Variants in INPP4B observed in about 807,000 individuals in gnomAD.
INPP4B encodes the protein inositol polyphosphate 4-phosphatase type II.
INPP4B carries 55 observed loss-of-function variants against 122.5 expected under a neutral mutation model. That is an observed-to-expected ratio of 0.45 (90% CI 0.36 to 0.56). The LOEUF is 0.56. Ranked by LOEUF, INPP4B falls within the 20% of genes least tolerant of loss-of-function variation. The pLI is 0.00. For missense variants in INPP4B, 1,000 were observed against 1,097.7 expected (o/e 0.91, Z 1.26); for synonymous variants, 403 against 388.7 (o/e 1.04, Z -0.43).
intron 25 of INPP4B, among the ~76,000 whole-genome samples, chr4:142,071,373 C>T (rs1767204213): frequency 6.6e-6 from 1 of 151,502 alleles, no homozygotes; most frequent in Non-Finnish European, 1.5e-5. Context: ...GACCTAAAAC[C>T]ATAAAAACCC....
intron 25 of INPP4B, among the ~76,000 whole-genome samples, chr4:142,033,667 C>CTTTTT (rs1741864695): frequency 4.9e-5 from 4 of 82,408 alleles, no homozygotes; most frequent in African/African-American, 2.1e-4. Context: ...TTCTCCATTT[C>CTTTTT]ATTTTTTTTT....
At chr4:142,638,669 A>C (rs748765444) in intron 2 of INPP4B, among the ~76,000 whole-genome samples, 1 of 150,836 alleles carries the variant, frequency 6.6e-6, no homozygotes, top group Non-Finnish European at 1.5e-5. Context: ...TCAGCCTCCC[A>C]AGAGTAGCTG....
intron 1 of INPP4B, among the ~76,000 whole-genome samples, chr4:142,738,069 G>A (rs540535942): frequency 2.0e-5 from 3 of 152,122 alleles, no homozygotes; most frequent in African/African-American, 7.2e-5. Flanking sequence ...CAGGGATCTA[G>A]AACTAGAAAT....
intron 12 of INPP4B, among the ~76,000 whole-genome samples, chr4:142,230,799 A>G (rs1237670486): frequency 6.6e-6 from 1 of 152,202 alleles, no homozygotes; most frequent in Non-Finnish European, 1.5e-5. Context: ...CTCAATATAC[A>G]TTTTATATAT....
At chr4:142,435,930 T>A (rs1354835937) in intron 3 of INPP4B, among the ~76,000 whole-genome samples, 3 of 152,028 alleles carry the variant, frequency 2.0e-5, no homozygotes, top group African/African-American at 7.2e-5. Context: ...TGCTGTTGTT[T>A]GCTGTCTAAA....
At chr4:142,033,438 G>A (rs1384884253) in intron 25 of INPP4B, among the ~76,000 whole-genome samples, 2 of 152,124 alleles carry the variant, frequency 1.3e-5, no homozygotes, top group South Asian at 4.1e-4. Flanking sequence ...ACTGGCCAAT[G>A]TAGGGGAAAA....
chr4:142,182,436 T>A (rs1322331104), intron 15 of INPP4B, among the ~76,000 whole-genome samples: 4 of 150,722 alleles, frequency 2.7e-5, no homozygotes, highest in African/African-American at 9.8e-5. Flanking sequence ...TAGTCCCAGC[T>A]ACTTGAGAGG....
intron 11 of INPP4B, among the ~76,000 whole-genome samples, chr4:142,244,507 G>A (rs1726879777): frequency 6.6e-6 from 1 of 151,824 alleles, no homozygotes; most frequent in South Asian, 2.1e-4. Context: ...GTTTCACTGT[G>A]TTAGCCAGGA....
chr4:142,798,119 A>AC (rs1170747925), intron 1 of INPP4B, among the ~76,000 whole-genome samples: 1 of 152,006 alleles, frequency 6.6e-6, no homozygotes, highest in Non-Finnish European at 1.5e-5. Context: ...AAATGAAATT[A>AC]CTGATATTAC....
At chr4:142,518,281 A>G (rs1046740636) in intron 2 of INPP4B, among the ~76,000 whole-genome samples, 1 of 152,164 alleles carries the variant, frequency 6.6e-6, no homozygotes, top group African/African-American at 2.4e-5. Flanking sequence ...TTTTCCCAGT[A>G]TAAAATGACA....
At chr4:142,755,874 G>A (rs1055616325) in intron 1 of INPP4B, among the ~76,000 whole-genome samples, 6 of 151,960 alleles carry the variant, frequency 3.9e-5, no homozygotes, top group African/African-American at 1.2e-4. Flanking sequence ...AACACTAGTA[G>A]TTTCTCACCC....
chr4:142,308,997 G>A (rs913147621), intron 8 of INPP4B, among the ~76,000 whole-genome samples: 8 of 151,950 alleles, frequency 5.3e-5, no homozygotes, highest in Admixed American at 2.6e-4. Context: ...TGAAGTCTGC[G>A]GTCTTGAACA....
intron 25 of INPP4B, chr4:142,030,439 T>A (rs1739137050): frequency 1.0e-5 from 8 of 762,212 alleles, no homozygotes; most frequent in Non-Finnish European, 1.6e-5. Flanking sequence ...AATCTTATGG[T>A]AAATTTCCCC....
intron 1 of INPP4B, among the ~76,000 whole-genome samples, chr4:142,809,026 T>C (rs1399799248): frequency 6.6e-6 from 1 of 152,118 alleles, no homozygotes; most frequent in Admixed American, 6.5e-5. Flanking sequence ...TATAAGTCAT[T>C]AAAAACCTTA....
chr4:142,631,523 G>A (rs921753145), intron 2 of INPP4B, among the ~76,000 whole-genome samples: 1 of 151,998 alleles, frequency 6.6e-6, no homozygotes, highest in African/African-American at 2.4e-5. Flanking sequence ...TTGCATTATT[G>A]GAAACAATAC....
chr4:142,681,291 G>A (rs147562850), intron 2 of INPP4B, among the ~76,000 whole-genome samples: 2,687 of 151,754 alleles, frequency 0.018, 83 homozygotes, highest in African/African-American at 0.057. Flanking sequence ...AGTCAATGTC[G>A]TTTCCTAGCA....
chr4:142,112,129 T>A (rs1262204661), intron 22 of INPP4B, among the ~76,000 whole-genome samples: 1 of 152,166 alleles, frequency 6.6e-6, no homozygotes, highest in African/African-American at 2.4e-5. Context: ...AAGCTAACAT[T>A]ACCAAATAAT....
intron 2 of INPP4B, among the ~76,000 whole-genome samples, chr4:142,598,505 T>C (rs1163668910): frequency 1.3e-5 from 2 of 152,078 alleles, no homozygotes; most frequent in East Asian, 1.9e-4. Context: ...ACATTTCCCA[T>C]TCCCACCAAA....
chr4:142,723,099 C>T (rs1468867434), intron 2 of INPP4B, among the ~76,000 whole-genome samples: 1 of 152,072 alleles, frequency 6.6e-6, no homozygotes, highest in Non-Finnish European at 1.5e-5. Context: ...TGTCCTTGAA[C>T]ATAAGTAACC....
Sources: allele counts gnomAD v4.1 joint callset (sites outside exome capture counted in the v4.1 genomes callset), GRCh38; gene constraint gnomAD v4.1.1; transcripts MANE v1.5; gene names NCBI Gene and HGNC (gene_info 2026-07-23, HGNC 2026-07-21).